Variants in ACAN observed in about 807,000 individuals in gnomAD.
The protein encoded by ACAN is aggrecan, also known as aggrecan core protein.
ACAN carries 47 observed loss-of-function variants against 169.1 expected under a neutral mutation model. The observed-to-expected ratio is 0.28, with a 90% confidence interval of 0.22 to 0.35. ACAN has a LOEUF of 0.35. Among genes scored for constraint, ACAN ranks in the 10% least tolerant of loss-of-function variants. ACAN has a pLI of 1.00. For missense variants in ACAN, 2,716 were observed against 2,759.9 expected (o/e 0.98, Z 0.36); for synonymous variants, 1,115 against 1,112.2 (o/e 1.00, Z -0.05).
At chr15:88,854,752 T>C in intron 11 of ACAN, 100 bp from the exon 12 acceptor site, 1 of 1,294,850 alleles carries the variant, frequency 7.7e-7, no homozygotes, top group Non-Finnish European at 9.9e-7. Context: ...GAGAGAAAAA[T>C]TTTACTGTGG....
chr15:88,819,600 CAAA>C (rs35471694), intron 1 of ACAN, among the ~76,000 whole-genome samples: 1 of 111,122 alleles, frequency 9.0e-6, no homozygotes, highest in Non-Finnish European at 1.9e-5. Flanking sequence ...CTCGTCTCTA[CAAA>C]AAAAAAAAAA....
chr15:88,838,786 C>A lies in ACAN; in HGVS notation c.194C>A (p.Ser65Tyr), dbSNP rs755142678. ...DPMHPVTTAP[S>Y]TAPLAPRIKW... Reference sequence around the variant, plus strand: ...ATGCACCCTGTGACCACCGCCCCTTCTACCGCCCCACTGGCCCCAAGAATC... The same window carrying A: ...ATGCACCCTGTGACCACCGCCCCTTATACCGCCCCACTGGCCCCAAGAATC... Residue 65 changes from serine (S) to tyrosine (Y), a missense_variant, in exon 3 of 19, where the codon TCT becomes TAT. By Grantham distance (144) the Ser-to-Tyr change is moderately radical (BLOSUM62 -2). Around this residue, in one of 3 missense-constraint regions of ACAN, gnomAD observed 1,283 missense variants for 1,281.5 expected, o/e 1.00. Coordinates refer to ENST00000560601, the MANE Select transcript of ACAN (RefSeq NM_001369268.1). This position sits in a 1 kb window ranked among gnomAD's most constrained non-coding sequence, Gnocchi z 5.1. 37 of 1,613,924 alleles carry A rather than the reference C, an allele frequency of 2.3e-5. No individual in the cohort carries two copies. The highest frequency in any genetic ancestry group is 4.0e-5 in the African/African-American group (3 of 74,940).
intron 1 of ACAN, among the ~76,000 whole-genome samples, chr15:88,830,791 G>A (rs980300797): frequency 6.6e-6 from 1 of 152,138 alleles, no homozygotes; most frequent in South Asian, 2.1e-4. Context: ...TTGTACACTG[G>A]TGTAGGCTTT....
chr15:88,847,948 G>A lies in ACAN; in HGVS notation c.1642G>A (p.Asp548Asn). ...IVSPRTPCVG[D>N]KDSSPGVRTY... Reference sequence around the variant, plus strand: ...GAGCCCCCGGACCCCATGCGTGGGTGACAAGGACAGCAGCCCAGGGGTCAG... The same window carrying A: ...GAGCCCCCGGACCCCATGCGTGGGTAACAAGGACAGCAGCCCAGGGGTCAG... Residue 548 changes from aspartate to asparagine, a missense_variant, in exon 9 of 19, where the codon GAC (aspartate) becomes AAC (asparagine). Coordinates refer to ENST00000560601, the MANE Select transcript of ACAN (RefSeq NM_001369268.1). 1 of 1,613,944 alleles carries A rather than the reference G, an allele frequency of 6.2e-7. No homozygotes were observed. The highest frequency in any genetic ancestry group is 1.7e-5 in the Admixed American group (1 of 60,024).
chr15:88,852,109 G>C, intron 11 of ACAN, 76 bp downstream of exon 11: 1 of 1,499,716 alleles, frequency 6.7e-7, no homozygotes, highest in Non-Finnish European at 9.0e-7. Context: ...CTGGTGGGGC[G>C]GGGGGGTTCC....
intron 1 of ACAN, among the ~76,000 whole-genome samples, chr15:88,824,235 A>G (rs924843501): frequency 2.6e-5 from 4 of 151,894 alleles, no homozygotes; most frequent in African/African-American, 9.7e-5. Context: ...GAGGCAGGAG[A>G]ATGGCGTGAA....
intron 11 of ACAN, among the ~76,000 whole-genome samples, chr15:88,854,046 G>A (rs1013930749): frequency 1.3e-5 from 2 of 152,250 alleles, no homozygotes; most frequent in South Asian, 4.1e-4. Context: ...CCAAAGGAAA[G>A]AAGAGCTGAA....
Position 88,857,903 on chromosome 15 carries a change from T to C in ACAN, c.5318T>C (p.Leu1773Pro), listed in dbSNP as rs147886342. The C allele has an allele frequency of 1.4e-3, 2,294 of 1,613,502 alleles. 3 individuals are homozygous for C. Among genetic ancestry groups the C allele is most frequent in the Non-Finnish European group, 1.8e-3 (2,152 of 1,179,666 alleles). ...ATTAGTGGAGAAGCATCTGGAGTTC[T>C]TTATGGCACTAGTCAACCCTTTGGC... Reference protein sequence around the residue: ...PGISGEASGVLYGTSQPFGIT... With the variant: ...PGISGEASGVPYGTSQPFGIT... The change falls in exon 12 of 19, where the codon CTT (leucine) becomes CCT (proline). Residue 1773 changes from leucine to proline, a missense_variant. Leu to Pro is a moderately conservative substitution (Grantham distance 98). Around this residue, in one of 3 missense-constraint regions of ACAN, gnomAD observed 1,389 missense variants for 1,363.7 expected, o/e 1.02. Coordinates refer to ENST00000560601, the MANE Select transcript of ACAN (RefSeq NM_001369268.1).
At chr15:88,848,166 G>T in intron 9 of ACAN, 128 bp downstream of exon 9, 1 of 1,373,630 alleles carries the variant, frequency 7.3e-7, no homozygotes, top group Admixed American at 2.1e-5. Context: ...CTTTCCAGGT[G>T]GGAAAGGGTC....
At chr15:88,835,942 G>T (rs1378220789) in intron 1 of ACAN, among the ~76,000 whole-genome samples, 1 of 152,222 alleles carries the variant, frequency 6.6e-6, no homozygotes, top group African/African-American at 2.4e-5. Flanking sequence ...TCATTCAGAT[G>T]AGACTTCACT....
At chr15:88,823,033 C>G (rs1450260156) in intron 1 of ACAN, among the ~76,000 whole-genome samples, 2 of 152,198 alleles carry the variant, frequency 1.3e-5, no homozygotes, top group Non-Finnish European at 2.9e-5. Flanking sequence ...GCATTTCCAT[C>G]AGGACCCTCA....
rs1251265317 is a variant in ACAN at position 88,858,782 on chromosome 15, T to G, written c.6197T>G (p.Leu2066Arg). 6.2e-7 allele frequency: 1 copy of G among 1,613,770 alleles called. No homozygotes were observed. Among genetic ancestry groups the G allele is most frequent in the Admixed American group, 1.7e-5 (1 of 60,000 alleles). The change falls in exon 12 of 19, where the codon CTT becomes CGT. Residue 2066 changes from leucine (L) to arginine (R), a missense_variant. Leu to Arg is a moderately radical substitution (Grantham distance 102, BLOSUM62 -2). Transcript: ENST00000560601. The surrounding 1 kb of genome is among the most constrained non-coding windows in gnomAD (Gnocchi z 4.0). The part of the protein sequence containing the change: ...QRPPVTHTPQ[L>R]FESSGKVSTA... The stretch of plus-strand genomic sequence containing the variant: ...CCCCCTGTGACACACACACCCCAGC[T>G]TTTTGAGTCCAGTGGAAAAGTCTCC...
At chr15:88,823,417 T>C (rs1226624004) in intron 1 of ACAN, among the ~76,000 whole-genome samples, 2 of 152,010 alleles carry the variant, frequency 1.3e-5, no homozygotes, top group Non-Finnish European at 1.5e-5. Flanking sequence ...TTGGTGGTTT[T>C]TTTTTTTCTT....
intron 1 of ACAN, among the ~76,000 whole-genome samples, chr15:88,808,224 T>C (rs1895734830): frequency 6.6e-6 from 1 of 152,134 alleles, no homozygotes; most frequent in East Asian, 1.9e-4. Flanking sequence ...GGTCCTCATT[T>C]AAGAGATCGC....
At chr15:88,863,044 CG>C (rs1162796526) in intron 13 of ACAN, among the ~76,000 whole-genome samples, 1 of 150,538 alleles carries the variant, frequency 6.6e-6, no homozygotes, top group African/African-American at 2.4e-5. Flanking sequence ...TCAGTATCCT[CG>C]GGGGGCCATA....
intron 11 of ACAN, among the ~76,000 whole-genome samples, chr15:88,852,511 A>T (rs934474982): frequency 7.2e-5 from 11 of 152,182 alleles, no homozygotes; most frequent in Non-Finnish European, 1.5e-4. Context: ...AGGCCTCCTC[A>T]GGCAGAACTT....
chr15:88,851,714 A>G lies in ACAN; in HGVS notation c.2027-80A>G, dbSNP rs1896933302. ...GGGCCTGGCCACCTCAGAGTCCCCT[A>G]GCTCCCCTCAAGAAGGGCCAGCCAA... On this transcript the variant is annotated intron_variant, in intron 10 of 18. Transcript: ENST00000560601. The surrounding 1 kb of genome is among the most constrained non-coding windows in gnomAD (Gnocchi z 4.3). 2 of 1,476,638 alleles carry G rather than the reference A, an allele frequency of 1.4e-6. No homozygotes were observed. The highest frequency in any genetic ancestry group is 1.8e-6 in the Non-Finnish European group (2 of 1,108,254). The allele number at this position is 1,476,638 out of a possible 1,614,324, so 91.5% of individuals were successfully genotyped here.
At chr15:88,819,814 T>A (rs1273765637) in intron 1 of ACAN, among the ~76,000 whole-genome samples, 3 of 152,078 alleles carry the variant, frequency 2.0e-5, no homozygotes, top group Non-Finnish European at 4.4e-5. Flanking sequence ...GGCACAGTTA[T>A]CAAAGGCCCT....
Position 88,871,451 on chromosome 15 carries a change from A to C in ACAN, c.7130A>C (p.Glu2377Ala), listed in dbSNP as rs1185453565. 1.9e-6 allele frequency: 3 copies of C among 1,613,962 alleles called. No homozygotes were observed. The highest frequency in any genetic ancestry group is 2.2e-5 in the East Asian group (1 of 44,890). Residue 2377 changes from glutamate (E) to alanine (A), a missense_variant, in exon 15 of 19, where the codon GAG becomes GCG. Glu to Ala is a moderately radical substitution (Grantham distance 107, BLOSUM62 -1). Around this residue, in one of 3 missense-constraint regions of ACAN, gnomAD observed 1,389 missense variants for 1,363.7 expected, o/e 1.02. Coordinates refer to ENST00000560601, the MANE Select transcript of ACAN (RefSeq NM_001369268.1). The surrounding 1 kb of genome is among the most constrained non-coding windows in gnomAD (Gnocchi z 7.8). ...GHCYRHFPDR[E>A]TWVDAERRCR... ...TGTTACCGCCACTTCCCGGACCGCGAGACCTGGGTGGATGCTGAGCGCCGG... is the reference window on the plus strand; with the variant it reads ...TGTTACCGCCACTTCCCGGACCGCGCGACCTGGGTGGATGCTGAGCGCCGG...
Sources: gnomAD v4.1 joint callset for allele counts (sites outside exome capture counted in the v4.1 genomes callset) on GRCh38, gnomAD v4.1.1 for gene constraint, gnomAD v4.1.1 regional missense constraint, Gnocchi (gnomAD v3.1) non-coding constraint, MANE v1.5 for transcripts, NCBI Gene and HGNC (gene_info 2026-07-23, HGNC 2026-07-21) for gene names.